The following ATP6V0A4 variants were observed in gnomAD, a reference collection of about 807,000 sequenced individuals.
The protein encoded by ATP6V0A4 is ATPase H+ transporting V0 subunit a4.
ATP6V0A4 carries 86 observed loss-of-function variants against 107.3 expected under a neutral mutation model. The ratio of observed to expected loss-of-function variants is 0.80; its 90% confidence interval spans 0.67 to 0.96. The LOEUF is 0.96. ATP6V0A4 is among the 40% of genes least tolerant of loss of function. The pLI, the probability that ATP6V0A4 is intolerant of heterozygous loss-of-function variation, is 0.00. For synonymous variants in ATP6V0A4, 353 were observed against 381.4 expected (o/e 0.93, Z 0.87); for missense variants, 908 against 1,045.6 (o/e 0.87, Z 1.81).
chr7:138,715,763 C>T lies in ATP6V0A4; in HGVS notation c.2257+1G>A, dbSNP rs145809731. Reference sequence around the variant, plus strand: ...GTCCCCCCGATGGGCTGCTCACTCACGTGCATGAGCCAGGCTGAGGGCCCA... The same window carrying T: ...GTCCCCCCGATGGGCTGCTCACTCATGTGCATGAGCCAGGCTGAGGGCCCA... On this transcript the variant is annotated splice_donor_variant, in intron 20 of 21. Coordinates refer to ENST00000310018, the MANE Select transcript of ATP6V0A4 (RefSeq NM_020632.3). LOFTEE classifies it high-confidence loss of function. 39 of 1,613,342 alleles carry T rather than the reference C, an allele frequency of 2.4e-5. No individual in the cohort carries two copies. Among genetic ancestry groups the T allele is most frequent in the African/African-American group, 4.0e-5 (3 of 74,924 alleles).
chr7:138,777,633 T>TACACACAC (rs1176566807), intron 2 of ATP6V0A4, among the ~76,000 whole-genome samples: 29 of 106,374 alleles, frequency 2.7e-4, no homozygotes, highest in African/African-American at 1.0e-3. Context: ...AAAAAAAAAA[T>TACACACAC]ACACACACAC....
At chr7:138,718,063 G>GAT (rs2117199799) in intron 19 of ATP6V0A4, among the ~76,000 whole-genome samples, 3 of 138,694 alleles carry the variant, frequency 2.2e-5, no homozygotes, top group African/African-American at 8.1e-5. Context: ...TACAGTCACG[G>GAT]GTGTCTGTGG....
chr7:138,769,415 A>T, intron 3 of ATP6V0A4, 164 bp from the exon 4 acceptor site: 1 of 725,206 alleles, frequency 1.4e-6, no homozygotes, highest in Non-Finnish European at 1.7e-6. Context: ...CCTGGGTTCA[A>T]GTGATTCTTC....
At chr7:138,755,839 A>C (rs763659119) in intron 9 of ATP6V0A4, 57 bp from the exon 10 acceptor site, 46 of 1,596,406 alleles carry the variant, frequency 2.9e-5, no homozygotes, top group Non-Finnish European at 3.6e-5. Flanking sequence ...AGCATTCTGC[A>C]TCCCCTTTTC....
rs370506317 is a variant in ATP6V0A4 at position 138,798,108 on chromosome 7, C to A, written c.-195G>T. 1 of 1,597,198 alleles carries A rather than the reference C, an allele frequency of 6.3e-7. No individual in the cohort carries two copies. Among genetic ancestry groups the A allele is most frequent in the Non-Finnish European group, 8.5e-7 (1 of 1,172,554 alleles). On this transcript the variant is annotated 5_prime_UTR_variant, in exon 1 of 22. Coordinates refer to ENST00000310018, the MANE Select transcript of ATP6V0A4 (RefSeq NM_020632.3). ...GGCACTCAGCACAGCCTCCAGCATG[C>A]AGCGCCTCCCCGCTGCCACCCGGGC...
chr7:138,786,858 C>T (rs73729903), intron 1 of ATP6V0A4, among the ~76,000 whole-genome samples: 10,197 of 152,190 alleles, frequency 0.067, 357 homozygotes, highest in African/African-American at 0.078. Context: ...ATAATATTTA[C>T]TCCCAATTAC....
Position 138,773,353 on chromosome 7 carries a change from C to T in ATP6V0A4, c.-17-2089G>A, listed in dbSNP as rs985086206. On this transcript the variant is annotated intron_variant, in intron 2 of 21. Transcript: ENST00000310018. The surrounding 1 kb of genome is among the most constrained non-coding windows in gnomAD (Gnocchi z 5.4). ...CCTCTCCACCGTCCATCCCACGCCCCGCATGACCCTGTCACTCCTCCAGTC... is the reference window on the plus strand; with the variant it reads ...CCTCTCCACCGTCCATCCCACGCCCTGCATGACCCTGTCACTCCTCCAGTC... 6.6e-6 allele frequency among the ~76,000 whole-genome samples: 1 copy of T among 152,142 alleles called. No homozygotes were observed. The highest frequency in any genetic ancestry group is 6.6e-5 in the Admixed American group (1 of 15,264).
chr7:138,760,276 T>G (rs1346151489), intron 7 of ATP6V0A4, among the ~76,000 whole-genome samples: 2 of 151,836 alleles, frequency 1.3e-5, no homozygotes, highest in Non-Finnish European at 2.9e-5. Context: ...AAACCCCATC[T>G]CTACTAAAAA....
At position 138,745,819 on chromosome 7, in the gene ATP6V0A4, C is replaced by A. The variant is rs141321607; in HGVS notation, c.1321-539G>T. On this transcript the variant is annotated intron_variant, in intron 13 of 21. Transcript: ENST00000310018. Reference sequence around the variant, plus strand: ...AATTAGCCAGATGTGGTGGTATGCACGTTAGTCGCAGTTACTCAGGAGGCT... The same window carrying A: ...AATTAGCCAGATGTGGTGGTATGCAAGTTAGTCGCAGTTACTCAGGAGGCT... Among the ~76,000 whole-genome samples, 250 of 146,822 alleles carry A rather than the reference C, an allele frequency of 1.7e-3. 2 individuals are homozygous for A. Among genetic ancestry groups the A allele is most frequent in the African/African-American group, 6.0e-3 (240 of 39,880 alleles).
Position 138,756,467 on chromosome 7 carries a change from ATCT to A in ATP6V0A4, c.710_712del (p.Lys237del), listed in dbSNP as rs746982385. 3.7e-6 allele frequency: 6 copies of A among 1,612,888 alleles called. No homozygotes were observed. The highest frequency in any genetic ancestry group is 3.3e-5 in the South Asian group (3 of 91,070). On this transcript the variant is annotated inframe_deletion, in exon 9 of 22. Transcript: ENST00000310018. ...ATTCACTCCCTCTTACCCATCACAG[ATCT>A]TCTTGATTTTCTGCCTGAGCTGCTC...
In ATP6V0A4 at chr7:138,722,038, A is replaced by G. The variant is rs370609291; in HGVS notation, c.2011-13T>C. ...TGGATGCCTGCAGCTGACAACAAGC[A>G]GGGAAATGAGGAATGCGCTCAACTC... On this transcript the variant is annotated splice_polypyrimidine_tract_variant and intron_variant, in intron 18 of 21. Transcript: ENST00000310018. 1.1e-5 allele frequency: 18 copies of G among 1,614,120 alleles called. No individual in the cohort carries two copies. Among genetic ancestry groups the G allele is most frequent in the Non-Finnish European group, 1.4e-5 (17 of 1,180,014 alleles).
intron 1 of ATP6V0A4, among the ~76,000 whole-genome samples, chr7:138,796,095 G>A (rs897746910): frequency 3.3e-5 from 5 of 152,118 alleles, no homozygotes; most frequent in African/African-American, 1.2e-4. Context: ...GAAGCCCACT[G>A]CAGGGTTTAC....
chr7:138,741,752 C>T (rs981025367), intron 14 of ATP6V0A4, among the ~76,000 whole-genome samples: 1 of 152,192 alleles, frequency 6.6e-6, no homozygotes, highest in Non-Finnish European at 1.5e-5. Flanking sequence ...TGAGTCAATA[C>T]GCCCAACTCC....
At position 138,706,625 on chromosome 7, in the gene ATP6V0A4, T is replaced by C; in HGVS notation, c.2522A>G (p.Ter841TrpextTer53). The stretch of plus-strand genomic sequence containing the variant: ...ACCGTGGGAGGTGCAGCCCTCAGCC[T>C]ACTCCTCGGCTGTGCCATCCAGGAT... ...KHILDGTAEE[*>W] is the part of the protein sequence containing the mutation. The change falls in exon 22 of 22, where the codon TAG becomes TGG. Residue 841 changes from the stop codon to tryptophan (W), a stop_lost. Transcript: ENST00000310018. The C allele has an allele frequency of 6.2e-7, 1 of 1,613,914 alleles. No homozygotes were observed. The highest frequency in any genetic ancestry group is 8.5e-7 in the Non-Finnish European group (1 of 1,179,892).
At chr7:138,785,823 C>T (rs1211069469) in intron 2 of ATP6V0A4, among the ~76,000 whole-genome samples, 1 of 152,198 alleles carries the variant, frequency 6.6e-6, no homozygotes, top group African/African-American at 2.4e-5. Flanking sequence ...CATGAATCAG[C>T]ACACTGAGAT....
chr7:138,725,515 CTTTT>C (rs34426447), intron 18 of ATP6V0A4, among the ~76,000 whole-genome samples: 3 of 147,290 alleles, frequency 2.0e-5, no homozygotes, highest in African/African-American at 7.4e-5. Context: ...GCAAAAAAAA[CTTTT>C]TTTTTTTTTG....
intron 20 of ATP6V0A4, among the ~76,000 whole-genome samples, chr7:138,712,804 C>A (rs1803812808): frequency 6.6e-6 from 1 of 152,032 alleles, no homozygotes; most frequent in Admixed American, 6.6e-5. Context: ...GCCAAGAATA[C>A]CAAAACTCCT....
At position 138,796,862 on chromosome 7, in the gene ATP6V0A4, T is replaced by C. The variant is rs76771401; in HGVS notation, c.-121+1172A>G. Among the ~76,000 whole-genome samples, 6 of 152,336 alleles carry C rather than the reference T, an allele frequency of 3.9e-5. No homozygotes were observed. The East Asian group carries it at 1.2e-3, about 29-fold the overall frequency. On this transcript the variant is annotated intron_variant, in intron 1 of 21. Coordinates refer to ENST00000310018, the MANE Select transcript of ATP6V0A4 (RefSeq NM_020632.3). ...TCTCCAGTGCCTAGGATGAGACCTTTTATATACATGTGGGTCTTCAATAAA... is the reference window on the plus strand; with the variant it reads ...TCTCCAGTGCCTAGGATGAGACCTTCTATATACATGTGGGTCTTCAATAAA...
Position 138,731,847 on chromosome 7 carries a change from C to T in ATP6V0A4, c.1908+1030G>A, listed in dbSNP as rs752523044. Among the ~76,000 whole-genome samples, 47 of 151,650 alleles carry T rather than the reference C, an allele frequency of 3.1e-4. 1 individual carries two copies. Among genetic ancestry groups the T allele is most frequent in the Non-Finnish European group, 6.6e-4 (45 of 67,954 alleles). ...GGCGGAGGTCGCAATGAGCCAAGAT[C>T]GTGCCACTGCACTCCAGCCTGGGTG... On this transcript the variant is annotated intron_variant, in intron 17 of 21. Transcript: ENST00000310018.
Sources: allele counts gnomAD v4.1 joint callset (sites outside exome capture counted in the v4.1 genomes callset), GRCh38; gene constraint gnomAD v4.1.1; non-coding constraint Gnocchi (gnomAD v3.1); transcripts MANE v1.5; gene names NCBI Gene and HGNC (gene_info 2026-07-23, HGNC 2026-07-21).